ELMO1: variants seen among roughly 807,000 people sequenced by gnomAD.
The protein encoded by ELMO1 is engulfment and cell motility 1.
Under a neutral mutation model 98.9 loss-of-function variants are expected in ELMO1, and 26 were observed. The ratio of observed to expected loss-of-function variants is 0.26; its 90% CI spans 0.19 to 0.36. ELMO1 has a LOEUF of 0.36. Ranked by LOEUF, ELMO1 falls within the 10% of genes least tolerant of loss-of-function variation. ELMO1 has a pLI of 1.00. For synonymous variants in ELMO1, 346 were observed against 346.0 expected (o/e 1.00, Z 0.00); for missense variants, 627 against 935.2 (o/e 0.67, Z 4.30).
chr7:37,421,048 T>A (rs1358516081), intron 1 of ELMO1, among the ~76,000 whole-genome samples: 3 of 152,206 alleles, frequency 2.0e-5, no homozygotes, highest in East Asian at 1.9e-4. Flanking sequence ...CTAAGCCACA[T>A]CTTCCTCTTA....
At chr7:37,233,352 T>A (rs56085102) in intron 7 of ELMO1, among the ~76,000 whole-genome samples, 158 bp from the exon 8 acceptor site, 12,053 of 152,022 alleles carry the variant, frequency 0.079, 1,592 homozygotes, top group African/African-American at 0.27. Context: ...ATGAGTGACA[T>A]GAAGGGGCAG....
chr7:36,930,160 A>C (rs1418162497), intron 16 of ELMO1, among the ~76,000 whole-genome samples: 1 of 152,234 alleles, frequency 6.6e-6, no homozygotes, highest in Non-Finnish European at 1.5e-5. Context: ...GGGTCTCCCC[A>C]GCCCATGGGC....
intron 14 of ELMO1, among the ~76,000 whole-genome samples, chr7:37,131,427 AG>A (rs1433740196): frequency 6.6e-6 from 1 of 152,246 alleles, no homozygotes; most frequent in African/African-American, 2.4e-5. Flanking sequence ...TGAGGAAAAC[AG>A]GCTTAAAACA....
intron 16 of ELMO1, among the ~76,000 whole-genome samples, chr7:36,970,926 G>A (rs1789888727): frequency 1.3e-5 from 2 of 152,212 alleles, no homozygotes; most frequent in South Asian, 4.1e-4. Flanking sequence ...GAGGCCAGGA[G>A]CCTTGCCATT....
At chr7:36,859,805 T>C (rs753589851) in intron 21 of ELMO1, among the ~76,000 whole-genome samples, 1 of 152,160 alleles carries the variant, frequency 6.6e-6, no homozygotes, top group Admixed American at 6.5e-5. Flanking sequence ...TTGAACAACA[T>C]GGGTTTTAAC....
intron 13 of ELMO1, among the ~76,000 whole-genome samples, chr7:37,206,500 T>C (rs1792630619): frequency 6.6e-6 from 1 of 152,198 alleles, no homozygotes; most frequent in Admixed American, 6.5e-5. Flanking sequence ...GAAGGAAAAA[T>C]ATAAATATGC....
chr7:37,220,477 G>A (rs1025867628), intron 10 of ELMO1, among the ~76,000 whole-genome samples: 1 of 152,094 alleles, frequency 6.6e-6, no homozygotes, highest in Non-Finnish European at 1.5e-5. Context: ...TCTTTGTGGT[G>A]GTTTATTAGA....
chr7:37,414,254 G>T (rs1804117466), intron 1 of ELMO1, among the ~76,000 whole-genome samples: 1 of 149,324 alleles, frequency 6.7e-6, no homozygotes, highest in African/African-American at 2.4e-5. Context: ...GATTGGTAAT[G>T]GGAAATTGAA....
intron 13 of ELMO1, among the ~76,000 whole-genome samples, chr7:37,159,813 G>A (rs1233940043): frequency 6.6e-6 from 1 of 152,198 alleles, no homozygotes; most frequent in Non-Finnish European, 1.5e-5. Flanking sequence ...CACCTGTAAT[G>A]TGCTATTTTA....
Position 37,178,091 on chromosome 7 carries a change from G to T in ELMO1, c.1086+33295C>A, listed in dbSNP as rs759433004. On this transcript the variant is annotated intron_variant, in intron 13 of 21. Coordinates refer to ENST00000310758, the MANE Select transcript of ELMO1 (RefSeq NM_014800.11). ...GTGTCTGTGAGTGTGTTTCTGGGAG[G>T]GATTAGCAGTATGTTAGTCCGTTTT... 4.9e-4 allele frequency among the ~76,000 whole-genome samples: 75 copies of T among 151,530 alleles called. 1 individual carries two copies. The highest frequency in any genetic ancestry group is 9.9e-4 in the Non-Finnish European group (67 of 67,888).
chr7:37,188,269 T>C (rs2130102851), intron 13 of ELMO1, among the ~76,000 whole-genome samples: 1 of 152,100 alleles, frequency 6.6e-6, no homozygotes, highest in South Asian at 2.1e-4. Flanking sequence ...GCCCCAGTCC[T>C]TAGGTTCCAA....
chr7:37,105,332 T>C (rs1784885015), intron 14 of ELMO1, among the ~76,000 whole-genome samples: 1 of 152,172 alleles, frequency 6.6e-6, no homozygotes, highest in Non-Finnish European at 1.5e-5. Flanking sequence ...CCAGGAGGTA[T>C]CAGGGGCAAT....
At chr7:37,272,473 G>A (rs543591398) in intron 4 of ELMO1, among the ~76,000 whole-genome samples, 3 of 152,168 alleles carry the variant, frequency 2.0e-5, no homozygotes, top group Non-Finnish European at 4.4e-5. Context: ...TTTGAGACCA[G>A]CTTGGCCAGT....
intron 9 of ELMO1, among the ~76,000 whole-genome samples, chr7:37,223,273 G>A (rs778828936): frequency 2.0e-5 from 3 of 152,222 alleles, no homozygotes; most frequent in Non-Finnish European, 4.4e-5. Context: ...TAAGGCAAGT[G>A]GTAAACAGTA....
intron 1 of ELMO1, among the ~76,000 whole-genome samples, chr7:37,346,319 A>T (rs535595828): frequency 6.6e-6 from 1 of 152,318 alleles, no homozygotes; most frequent in South Asian, 2.1e-4. Flanking sequence ...CTATACGAAA[A>T]GCCTTAAAAT....
In ELMO1 at chr7:37,446,919, A is replaced by C. The variant is rs191650764; in HGVS notation, c.-74+1756T>G. On this transcript the variant is annotated intron_variant, in intron 1 of 21. Coordinates refer to ENST00000310758, the MANE Select transcript of ELMO1 (RefSeq NM_014800.11). ...TAGGAAATGTACAATAATAAAGAGT[A>C]AAGCTTCAAAAGGTCAGCTATAAGA... is the stretch of plus-strand genomic sequence containing the variant. 5.4e-3 allele frequency among the ~76,000 whole-genome samples: 827 copies of C among 152,378 alleles called. 31 individuals carry two copies. The highest frequency in any genetic ancestry group is 0.049 in the Admixed American group (756 of 15,304).
chr7:37,131,337 T>C lies in ELMO1; in HGVS notation c.1191+1793A>G, dbSNP rs1179964782. Among the ~76,000 whole-genome samples the C allele has an allele frequency of 3.9e-5, 6 of 152,348 alleles. No individual in the cohort carries two copies. In the East Asian group the frequency reaches 1.2e-3, roughly 29 times the overall value. On this transcript the variant is annotated intron_variant, in intron 14 of 21. Coordinates refer to ENST00000310758, the MANE Select transcript of ELMO1 (RefSeq NM_014800.11). ...CACTTCTCTTTACAAATAGGTTTTTTCTTTTAAGTCCTGATCAAATATAAA... is the reference window on the plus strand; with the variant it reads ...CACTTCTCTTTACAAATAGGTTTTTCCTTTTAAGTCCTGATCAAATATAAA...
At chr7:37,264,846 T>C (rs1330353196) in intron 5 of ELMO1, among the ~76,000 whole-genome samples, 1 of 152,196 alleles carries the variant, frequency 6.6e-6, no homozygotes, top group African/African-American at 2.4e-5. Context: ...CTCTTGAAGA[T>C]ACAAGTTAAA....
chr7:36,897,309 G>A (rs1260487260), intron 16 of ELMO1, among the ~76,000 whole-genome samples: 1 of 23,782 alleles, frequency 4.2e-5, no homozygotes, highest in Non-Finnish European at 1.2e-4. Context: ...GTCAGTAGTA[G>A]GACAAAGAAA....
Sources: allele counts gnomAD v4.1 joint callset (sites outside exome capture counted in the v4.1 genomes callset), GRCh38; gene constraint gnomAD v4.1.1; transcripts MANE v1.5; gene names NCBI Gene and HGNC (gene_info 2026-07-23, HGNC 2026-07-21).